The following SHROOM4 variants were observed in gnomAD, a reference collection of about 807,000 sequenced individuals.
SHROOM4 encodes shroom family member 4.
A neutral mutation model predicts 80.3 loss-of-function variants in SHROOM4; 17 were observed. The ratio of observed to expected loss-of-function variants is 0.21; its 90% CI spans 0.14 to 0.32. SHROOM4 has a LOEUF of 0.32. Ranked by LOEUF, SHROOM4 falls within the 10% of genes least tolerant of loss-of-function variation. The pLI, the probability that SHROOM4 is intolerant of heterozygous loss-of-function variation, is 1.00. For missense variants in SHROOM4, 993 were observed against 1,140.3 expected (o/e 0.87, Z 1.86); for synonymous variants, 400 against 437.5 (o/e 0.91, Z 1.07).
the SHROOM4 span, among the ~76,000 whole-genome samples, chrX:50,577,762 T>C: frequency 3.1e-3 from 351 of 111,504 alleles, no homozygotes; most frequent in African/African-American, 0.011. Context: ...TCAGAGTATA[T>C]CAGGGCAGCA....
At chrX:50,688,623 G>A (rs1194828892) in intron 2 of SHROOM4, among the ~76,000 whole-genome samples, 1 of 111,165 alleles carries the variant, frequency 9.0e-6, no homozygotes, top group East Asian at 2.8e-4. Context: ...AATACAAAAT[G>A]GCAAAATTGA....
At chrX:50,672,097 A>G (rs1425221397) in intron 2 of SHROOM4, among the ~76,000 whole-genome samples, 1 of 112,297 alleles carries the variant, frequency 8.9e-6, no homozygotes, top group Admixed American at 9.5e-5. Flanking sequence ...TCAGTTTGCC[A>G]TCAATTTGAC....
chrX:50,789,116 G>A (rs1399193777), intron 1 of SHROOM4, among the ~76,000 whole-genome samples: 1 of 111,814 alleles, frequency 8.9e-6, no homozygotes, highest in Non-Finnish European at 1.9e-5. Context: ...CCAGACAGAT[G>A]ATCAAAAGGA....
chrX:50,772,690 A>ACTC (rs1935422804), intron 1 of SHROOM4, among the ~76,000 whole-genome samples: 1 of 112,155 alleles, frequency 8.9e-6, no homozygotes, highest in South Asian at 3.7e-4. Context: ...GGTGACCAAA[A>ACTC]TCAGCAATAG....
rs1557245053 is a variant in SHROOM4 at position 50,588,149 on chromosome X, C to T, written c.*8546G>A. ...CATCTTGCAGGCAGCTAACAGACTA[C>T]ATTGTTCTCATCAGATGGTAGTATT... On this transcript the variant is annotated 3_prime_UTR_variant, in exon 9 of 9. Transcript: ENST00000376020. Among the ~76,000 whole-genome samples, 1 of 111,230 alleles carries T rather than the reference C, an allele frequency of 9.0e-6. No individual in the cohort carries two copies. The highest frequency in any genetic ancestry group is 3.3e-5 in the African/African-American group (1 of 30,562).
At chrX:50,761,230 C>T (rs1935149414) in intron 1 of SHROOM4, among the ~76,000 whole-genome samples, 1 of 110,893 alleles carries the variant, frequency 9.0e-6, no homozygotes, top group African/African-American at 3.3e-5. Context: ...CTGTTGTTCC[C>T]TTGTGTTCAT....
chrX:50,771,306 G>C (rs1557269699), intron 1 of SHROOM4, among the ~76,000 whole-genome samples: 1 of 112,096 alleles, frequency 8.9e-6, no homozygotes, highest in South Asian at 3.7e-4. Context: ...TTCTCTATTC[G>C]AGTGCTTTCC....
At chrX:50,774,186 GA>G (rs1557269921) in intron 1 of SHROOM4, among the ~76,000 whole-genome samples, 1 of 111,189 alleles carries the variant, frequency 9.0e-6, no homozygotes, top group Admixed American at 9.6e-5. Flanking sequence ...TTTTGGAGTT[GA>G]TAAAGGAAGC....
rs1557270226 is a variant in SHROOM4 at position 50,777,364 on chromosome X, A to C, written c.117+36538T>G. On this transcript the variant is annotated intron_variant, in intron 1 of 8. Transcript: ENST00000376020. ...AAATAGATAAGAAGACTTTTTAAAG[A>C]GTTGGTAAGTTTTTAAGTAAATTAT... Among the ~76,000 whole-genome samples, 3 of 112,239 alleles carry C rather than the reference A, an allele frequency of 2.7e-5. No individual in the cohort carries two copies. In the South Asian group the frequency reaches 1.1e-3, roughly 42 times the overall value.
the SHROOM4 span, among the ~76,000 whole-genome samples, chrX:50,578,302 T>TAA: frequency 1.8e-5 from 2 of 111,728 alleles, no homozygotes; most frequent in African/African-American, 6.5e-5. Flanking sequence ...ATTAATTAAT[T>TAA]TATTTATTTT....
Position 50,684,362 on chromosome X carries a change from G to A in SHROOM4, c.269+11424C>T, listed in dbSNP as rs184732496. On this transcript the variant is annotated intron_variant, in intron 2 of 8. Coordinates refer to ENST00000376020, the MANE Select transcript of SHROOM4 (RefSeq NM_020717.5). ...GCTGGTAAACACCAGAAGCTAGGAA[G>A]AATCAAGGAAGGACCCTCCCTTAGA... Among the ~76,000 whole-genome samples the A allele has an allele frequency of 3.4e-3, 377 of 111,138 alleles. 1 individual carries two copies. Among genetic ancestry groups the A allele is most frequent in the Middle Eastern group, 9.2e-3 (2 of 218 alleles).
chrX:50,780,931 T>A (rs1032322703), intron 1 of SHROOM4, among the ~76,000 whole-genome samples: 4 of 111,124 alleles, frequency 3.6e-5, no homozygotes, highest in Admixed American at 9.6e-5. Flanking sequence ...CTCTGTAAGC[T>A]GGGGGGAAAG....
intron 2 of SHROOM4, among the ~76,000 whole-genome samples, chrX:50,694,908 A>G (rs1383617327): frequency 5.5e-5 from 6 of 108,183 alleles, no homozygotes. Context: ...TGCAAGATGG[A>G]AAAACTTAGG....
intron 1 of SHROOM4, among the ~76,000 whole-genome samples, chrX:50,787,502 A>G (rs1935767919): frequency 9.0e-6 from 1 of 111,278 alleles, no homozygotes; most frequent in Non-Finnish European, 1.9e-5. Context: ...TTATTCAAAT[A>G]AATAGTTGCA....
At chrX:50,745,471 G>A (rs1201252036) in intron 1 of SHROOM4, among the ~76,000 whole-genome samples, 1 of 110,609 alleles carries the variant, frequency 9.0e-6, no homozygotes, top group African/African-American at 3.3e-5. Context: ...CTGGGCCCTC[G>A]ACTTGGGAGT....
At position 50,590,372 on chromosome X, in the gene SHROOM4, G is replaced by A. The variant is rs934601121; in HGVS notation, c.*6323C>T. On this transcript the variant is annotated 3_prime_UTR_variant, in exon 9 of 9. Coordinates refer to ENST00000376020, the MANE Select transcript of SHROOM4 (RefSeq NM_020717.5). ...CGCCATTCTCCTGCCTCAGCCTCCCGACTAGCTGGGACTACAGGCACCTGC... is the reference window on the plus strand; with the variant it reads ...CGCCATTCTCCTGCCTCAGCCTCCCAACTAGCTGGGACTACAGGCACCTGC... Among the ~76,000 whole-genome samples, 2 of 110,834 alleles carry A rather than the reference G, an allele frequency of 1.8e-5. No individual in the cohort carries two copies. Among genetic ancestry groups the A allele is most frequent in the East Asian group, 2.9e-4 (1 of 3,508 alleles).
At chrX:50,740,518 C>T (rs1207936156) in intron 1 of SHROOM4, among the ~76,000 whole-genome samples, 1 of 111,343 alleles carries the variant, frequency 9.0e-6, no homozygotes, top group African/African-American at 3.3e-5. Flanking sequence ...TAATGCTCCA[C>T]TTTCAATAAA....
chrX:50,635,771 AGGGT>A, intron 3 of SHROOM4, 103 bp from the exon 4 acceptor site: 1 of 624,396 alleles, frequency 1.6e-6, no homozygotes, highest in Admixed American at 3.1e-5. Flanking sequence ...AAAAGAGAGG[AGGGT>A]AGGCAAAAAA....
At chrX:50,628,537 G>A (rs1212715283) in intron 4 of SHROOM4, among the ~76,000 whole-genome samples, 5 of 111,264 alleles carry the variant, frequency 4.5e-5, no homozygotes, top group Non-Finnish European at 9.4e-5. Flanking sequence ...AAATTTCACT[G>A]ATCTTCCAAA....
Sources: allele counts gnomAD v4.1 joint callset (sites outside exome capture counted in the v4.1 genomes callset), GRCh38; gene constraint gnomAD v4.1.1; transcripts MANE v1.5; gene names NCBI Gene and HGNC (gene_info 2026-07-23, HGNC 2026-07-21).